PDE5A: variants seen among roughly 807,000 people sequenced by gnomAD.
PDE5A encodes phosphodiesterase 5A.
In PDE5A, 67 loss-of-function variants were observed where a neutral mutation model predicts 110.2. The observed-to-expected ratio is 0.61, with a 90% confidence interval of 0.50 to 0.75. The LOEUF is 0.75. PDE5A is among the 30% of genes least tolerant of loss of function. PDE5A has a pLI of 0.00. For missense variants in PDE5A, 862 were observed against 1,045.1 expected (o/e 0.82, Z 2.42); for synonymous variants, 328 against 351.2 (o/e 0.93, Z 0.74).
chr4:119,608,954 A>G (rs1578824317), intron 1 of PDE5A, among the ~76,000 whole-genome samples: 1 of 151,994 alleles, frequency 6.6e-6, no homozygotes, highest in East Asian at 1.9e-4. Context: ...GAGGTCAGGA[A>G]ATCGAGACCA....
chr4:119,615,101 G>A (rs1186773895), intron 1 of PDE5A, among the ~76,000 whole-genome samples: 3 of 152,158 alleles, frequency 2.0e-5, no homozygotes, highest in African/African-American at 7.2e-5. Context: ...GAGATCTTCA[G>A]TGGTAAAAAT....
In PDE5A at chr4:119,509,627, C is replaced by T. The variant is rs919218075; in HGVS notation, c.2088+1420G>A. Among the ~76,000 whole-genome samples, 11 of 151,898 alleles carry T rather than the reference C, an allele frequency of 7.2e-5. No homozygotes were observed. In the East Asian group the frequency reaches 7.7e-4, roughly 11 times the overall value. On this transcript the variant is annotated intron_variant, in intron 15 of 20. Transcript: ENST00000354960. Reference sequence around the variant, plus strand: ...AGAAGTCGTGTATGAAATGATAGAACGTCTATAGTATACTGATACCATTCT... The same window carrying T: ...AGAAGTCGTGTATGAAATGATAGAATGTCTATAGTATACTGATACCATTCT...
Position 119,598,758 on chromosome 4 carries a change from G to A in PDE5A, c.742-2146C>T, listed in dbSNP as rs753124328. 4.6e-5 allele frequency among the ~76,000 whole-genome samples: 7 copies of A among 152,304 alleles called. No individual in the cohort carries two copies. The East Asian group carries it at 1.3e-3, about 29-fold the overall frequency. ...AGAGAAGGCAGGTGCTACCCAATGA[G>A]AGCAACGCTTTGAAACAGAATTGAA... is the stretch of plus-strand genomic sequence containing the variant. On this transcript the variant is annotated intron_variant, in intron 2 of 20. Transcript: ENST00000354960.
chr4:119,515,949 A>C lies in PDE5A; in HGVS notation c.2000+3096T>G, dbSNP rs868399309. 2.6e-5 allele frequency among the ~76,000 whole-genome samples: 4 copies of C among 152,168 alleles called. No individual in the cohort carries two copies. In the South Asian group the frequency reaches 6.2e-4, roughly 24 times the overall value. ...ATATCAAATCTATAATGCACTGGTT[A>C]ATTTTATAACCCTGCATCAAAAAGT... On this transcript the variant is annotated intron_variant, in intron 14 of 20. Coordinates refer to ENST00000354960, the MANE Select transcript of PDE5A (RefSeq NM_001083.4).
rs913829925 is a variant in PDE5A, at chr4:119,542,071, GTTTATT to G, written c.1572+382_1572+387del. The G allele has an allele frequency of 1.3e-4, 20 of 160,000 alleles. No individual in the cohort carries two copies. The East Asian group carries it at 3.4e-3, about 27-fold the overall frequency. The allele number at this position is 160,000 out of a possible 1,614,324, so 9.9% of individuals were successfully genotyped here. A position where few individuals can be genotyped will look rare whatever the true frequency, so the allele number is the denominator to read the frequency against. On this transcript the variant is annotated intron_variant, in intron 10 of 20. Coordinates refer to ENST00000354960, the MANE Select transcript of PDE5A (RefSeq NM_001083.4). Reference sequence around the variant, plus strand: ...TAGGGTTTCTGTTTTTTGTTTGTTTGTTTATTTTTAATTTTTTTCCACAACTGTTCT... The same window carrying G: ...TAGGGTTTCTGTTTTTTGTTTGTTTGTTTAATTTTTTTCCACAACTGTTCT...
chr4:119,496,125 A>G lies in PDE5A; in HGVS notation c.*2476T>C, dbSNP rs1009344071. The G allele has an allele frequency of 2.6e-5, 4 of 152,170 alleles. No homozygotes were observed. Among genetic ancestry groups the G allele is most frequent in the African/African-American group, 9.6e-5 (4 of 41,456 alleles). The allele number at this position is 152,170 out of a possible 1,614,324, so 9.4% of individuals were successfully genotyped here. ...GGCAATTATATAGATATCTTTTAAC[A>G]AGTTAGTAAAATAGTGGGGACTTTT... On this transcript the variant is annotated 3_prime_UTR_variant, in exon 21 of 21. Coordinates refer to ENST00000354960, the MANE Select transcript of PDE5A (RefSeq NM_001083.4).
In PDE5A at chr4:119,498,698, T is replaced by C. The variant is rs144055854; in HGVS notation, c.2531A>G (p.Asp844Gly). The change falls in exon 21 of 21, where the codon GAT becomes GGT. Residue 844 changes from aspartate (D) to glycine (G), a missense_variant. Transcript: ENST00000354960. Reference sequence around the variant, plus strand: ...TTTCTGCCTGTTCTTTCTGCAGCCATCTAGCAAAGGGAAACAGTCCTCTGA... The same window carrying C: ...TTTCTGCCTGTTCTTTCTGCAGCCACCTAGCAAAGGGAAACAGTCCTCTGA... ...HVSEDCFPLL[D>G]GCRKNRQKWQ... The C allele has an allele frequency of 4.5e-5, 73 of 1,613,770 alleles. No homozygotes were observed. Among genetic ancestry groups the C allele is most frequent in the Non-Finnish European group, 6.0e-5 (71 of 1,179,902 alleles).
Position 119,539,010 on chromosome 4 carries a change from AC to A in PDE5A, c.1581del (p.Tyr528IlefsTer16). On this transcript the variant is annotated frameshift_variant, in exon 11 of 21. Transcript: ENST00000354960. LOFTEE classifies it high-confidence loss of function. ...AKQMVTLEVL[S>X]YHASAAEEET... ...TCTTCCTCTGCTGCTGAAGCATGATACGACAGAACCTACAGGGTAGGAAAAG... is the reference window on the plus strand; with the variant it reads ...TCTTCCTCTGCTGCTGAAGCATGATAGACAGAACCTACAGGGTAGGAAAAG... 1 of 1,612,390 alleles carries A rather than the reference AC, an allele frequency of 6.2e-7. No homozygotes were observed. The highest frequency in any genetic ancestry group is 8.5e-7 in the Non-Finnish European group (1 of 1,178,638).
At position 119,565,441 on chromosome 4, in the gene PDE5A, G is replaced by A. The variant is rs199843889; in HGVS notation, c.904-31C>T. 4.2e-5 allele frequency: 61 copies of A among 1,469,046 alleles called. No homozygotes were observed. The East Asian group carries it at 1.1e-3, about 27-fold the overall frequency. 91.0% of individuals were successfully genotyped at this position (1,469,046 alleles called of 1,614,324 possible). A position where few individuals can be genotyped will look rare whatever the true frequency, so the allele number is the denominator to read the frequency against. ...AAACAGATAATAGACAAATAAAAAC[G>A]GTACATAAAACAGTCTAGTTACATT... On this transcript the variant is annotated intron_variant, in intron 4 of 20. Transcript: ENST00000354960.
In PDE5A at chr4:119,496,912, A is replaced by G. The variant is rs1286085891; in HGVS notation, c.*1689T>C. The G allele has an allele frequency of 6.6e-6, 1 of 152,512 alleles. No homozygotes were observed. Among genetic ancestry groups the G allele is most frequent in the Non-Finnish European group, 1.5e-5 (1 of 67,996 alleles). The allele number at this position is 152,512 out of a possible 1,614,324, so 9.4% of individuals were successfully genotyped here. A position where few individuals can be genotyped will look rare whatever the true frequency, so the allele number is the denominator to read the frequency against. On this transcript the variant is annotated 3_prime_UTR_variant, in exon 21 of 21. Coordinates refer to ENST00000354960, the MANE Select transcript of PDE5A (RefSeq NM_001083.4). ...CCTAGATTAACCTTTACCAAATACA[A>G]AATAATGGCAATACAATGTGTTTTG...
chr4:119,615,905 C>A (rs1729925585), intron 1 of PDE5A, among the ~76,000 whole-genome samples: 1 of 152,128 alleles, frequency 6.6e-6, no homozygotes, highest in African/African-American at 2.4e-5. Context: ...AAAGCCACAG[C>A]CATGGAAAAT....
chr4:119,584,632 C>T (rs1336976290), intron 3 of PDE5A, among the ~76,000 whole-genome samples: 1 of 152,182 alleles, frequency 6.6e-6, no homozygotes, highest in Non-Finnish European at 1.5e-5. Context: ...AAACTTACTG[C>T]TGTAGCCACC....
chr4:119,525,447 TA>T lies in PDE5A; in HGVS notation c.1779+101del. The stretch of plus-strand genomic sequence containing the variant: ...TGACAGTATATTAATCACTAAAATG[TA>T]AAAATCCCTATTCCATATTTGCATT... On this transcript the variant is annotated intron_variant, in intron 12 of 20. Transcript: ENST00000354960. The surrounding 1 kb of genome is among the most constrained non-coding windows in gnomAD (Gnocchi z 4.3). The T allele has an allele frequency of 9.0e-7, 1 of 1,112,592 alleles. No homozygotes were observed. The highest frequency in any genetic ancestry group is 1.3e-6 in the Non-Finnish European group (1 of 783,684). The allele number at this position is 1,112,592 out of a possible 1,614,324, so 68.9% of individuals were successfully genotyped here. A position where few individuals can be genotyped will look rare whatever the true frequency, so the allele number is the denominator to read the frequency against.
Position 119,628,764 on chromosome 4 carries a change from C to A in PDE5A, c.-93G>T. 6.5e-7 allele frequency: 1 copy of A among 1,530,702 alleles called. No individual in the cohort carries two copies. Among genetic ancestry groups the A allele is most frequent in the Non-Finnish European group, 8.8e-7 (1 of 1,134,200 alleles). The allele number at this position is 1,530,702 out of a possible 1,614,324, so 94.8% of individuals were successfully genotyped here. On this transcript the variant is annotated 5_prime_UTR_variant, in exon 1 of 21. Transcript: ENST00000354960. The stretch of plus-strand genomic sequence containing the variant: ...AGAAGAACAGGACTCGGCCTCGAGA[C>A]CCTCCCCCTTCGTCCTGCTCCAGTC...
rs1238760527 is a variant in PDE5A at position 119,579,065 on chromosome 4, G to A, written c.832-11921C>T. 3.3e-5 allele frequency among the ~76,000 whole-genome samples: 5 copies of A among 152,210 alleles called. No individual in the cohort carries two copies. The East Asian group carries it at 9.6e-4, about 29-fold the overall frequency. On this transcript the variant is annotated intron_variant, in intron 3 of 20. Coordinates refer to ENST00000354960, the MANE Select transcript of PDE5A (RefSeq NM_001083.4). ...ACACTTCTCAAAAGAAGACATTTAT[G>A]CAGCCAAAAGACACATGAAAAAATG...
At chr4:119,507,367 T>A (rs896016926) in intron 16 of PDE5A, among the ~76,000 whole-genome samples, 1 of 151,936 alleles carries the variant, frequency 6.6e-6, no homozygotes, top group Admixed American at 6.6e-5. Flanking sequence ...GATTTGTATA[T>A]AGTTTCAGAG....
At chr4:119,533,570 A>C (rs1450657203) in intron 11 of PDE5A, among the ~76,000 whole-genome samples, 1 of 152,210 alleles carries the variant, frequency 6.6e-6, no homozygotes, top group African/African-American at 2.4e-5. Context: ...TCTTGCAGAC[A>C]GTAAAGAAAT....
Position 119,525,518 on chromosome 4 carries a change from A to G in PDE5A, c.1779+31T>C, listed in dbSNP as rs77743954. 6,470 of 1,606,656 alleles carry G rather than the reference A, an allele frequency of 4.0e-3. 150 individuals carry two copies. In the East Asian group the frequency reaches 0.072, roughly 18 times the overall value. On this transcript the variant is annotated intron_variant, in intron 12 of 20. Coordinates refer to ENST00000354960, the MANE Select transcript of PDE5A (RefSeq NM_001083.4). The surrounding 1 kb of genome is among the most constrained non-coding windows in gnomAD (Gnocchi z 4.3). Reference sequence around the variant, plus strand: ...TACATACACACACACATACACATAGACTTTTCCAAAGGATGTTGCTGCATT... The same window carrying G: ...TACATACACACACACATACACATAGGCTTTTCCAAAGGATGTTGCTGCATT...
chr4:119,552,706 A>G (rs1457781693), intron 8 of PDE5A, 69 bp from the exon 9 acceptor site: 4 of 774,102 alleles, frequency 5.2e-6, no homozygotes, highest in Non-Finnish European at 8.2e-6. Context: ...TAGATGCCAT[A>G]TAAACTATAT....
Sources: gnomAD v4.1 joint callset for allele counts (sites outside exome capture counted in the v4.1 genomes callset) on GRCh38, gnomAD v4.1.1 for gene constraint, Gnocchi (gnomAD v3.1) non-coding constraint, MANE v1.5 for transcripts, NCBI Gene and HGNC (gene_info 2026-07-23, HGNC 2026-07-21) for gene names.